The following XKR4 variants were observed in gnomAD, a reference collection of about 807,000 sequenced individuals.
XKR4 encodes the protein XK related 4.
A neutral mutation model predicts 53.9 loss-of-function variants in XKR4; 12 were observed. The observed-to-expected ratio is 0.22, with a 90% CI of 0.14 to 0.36. The LOEUF is 0.36. Ranked by LOEUF, XKR4 falls within the 10% of genes least tolerant of loss-of-function variation. The pLI is 1.00. For missense variants in XKR4, 799 were observed against 859.5 expected (o/e 0.93, Z 0.88); for synonymous variants, 354 against 362.4 (o/e 0.98, Z 0.26).
chr8:55,465,296 C>A (rs1805745579), intron 2 of XKR4, among the ~76,000 whole-genome samples: 1 of 152,116 alleles, frequency 6.6e-6, no homozygotes, highest in African/African-American at 2.4e-5. Context: ...GAGATATAGA[C>A]CAAAGGAACA....
intron 1 of XKR4, among the ~76,000 whole-genome samples, chr8:55,265,650 CT>C (rs1818588611): frequency 6.6e-6 from 1 of 151,610 alleles, no homozygotes; most frequent in Non-Finnish European, 1.5e-5. Context: ...GCCTAGGAGC[CT>C]AGGAGCCTGG....
At chr8:55,276,068 G>A (rs754246938) in intron 1 of XKR4, among the ~76,000 whole-genome samples, 6 of 152,172 alleles carry the variant, frequency 3.9e-5, no homozygotes, top group African/African-American at 7.2e-5. Flanking sequence ...TTAAGGCTCC[G>A]GGTAAATTAG....
chr8:55,499,784 C>T (rs1472341045), intron 2 of XKR4, among the ~76,000 whole-genome samples: 1 of 152,120 alleles, frequency 6.6e-6, no homozygotes, highest in Non-Finnish European at 1.5e-5. Context: ...CCAGCTGTTG[C>T]GCTGTCTTTA....
chr8:55,343,615 G>C (rs879907581), intron 1 of XKR4, among the ~76,000 whole-genome samples: 3 of 152,186 alleles, frequency 2.0e-5, no homozygotes, highest in Non-Finnish European at 4.4e-5. Flanking sequence ...TTGCTGCAGA[G>C]GGCACAGTTA....
intron 1 of XKR4, among the ~76,000 whole-genome samples, chr8:55,199,344 T>G (rs951593240): frequency 6.6e-6 from 1 of 152,246 alleles, no homozygotes; most frequent in East Asian, 1.9e-4. Context: ...CAGGAGATAA[T>G]GAATCAAGTG....
intron 2 of XKR4, among the ~76,000 whole-genome samples, chr8:55,365,761 C>A (rs1016002517): frequency 2.7e-5 from 4 of 148,972 alleles, no homozygotes; most frequent in Non-Finnish European, 3.0e-5. Context: ...GGCACAGGTG[C>A]TGGGAGGGTG....
chr8:55,487,481 C>CATCTTTTTTTTTT (rs1806210888), intron 2 of XKR4, among the ~76,000 whole-genome samples: 1 of 123,862 alleles, frequency 8.1e-6, no homozygotes, highest in Non-Finnish European at 1.8e-5. Flanking sequence ...TTTTTTTTTT[C>CATCTTTTTTTTTT]TTGAGACAGA....
Position 55,229,756 on chromosome 8 carries a change from C to T in XKR4, c.806+126462C>T, listed in dbSNP as rs78675598. Among the ~76,000 whole-genome samples, 700 of 152,310 alleles carry T rather than the reference C, an allele frequency of 4.6e-3. 6 individuals are homozygous for T. The highest frequency in any genetic ancestry group is 0.016 in the African/African-American group (653 of 41,570). ...TTATGTGGGTTTTCCCATAGGATCA[C>T]CTTGGCCCCCCTACAGAAGCTTAGT... On this transcript the variant is annotated intron_variant, in intron 1 of 2. Transcript: ENST00000327381.
intron 2 of XKR4, among the ~76,000 whole-genome samples, chr8:55,390,898 C>T (rs1375314385): frequency 6.6e-6 from 1 of 152,196 alleles, no homozygotes; most frequent in Non-Finnish European, 1.5e-5. Flanking sequence ...CCTTCTTATC[C>T]TGCTACCAAA....
chr8:55,247,730 C>A (rs1292298075), intron 1 of XKR4, among the ~76,000 whole-genome samples: 1 of 152,136 alleles, frequency 6.6e-6, no homozygotes, highest in African/African-American at 2.4e-5. Flanking sequence ...TTCACAATTA[C>A]AATCACAGTG....
chr8:55,403,755 T>C (rs1335440606), intron 2 of XKR4, among the ~76,000 whole-genome samples: 2 of 152,248 alleles, frequency 1.3e-5, no homozygotes, highest in African/African-American at 2.4e-5. Flanking sequence ...CTTTCTTCTC[T>C]GTTCTTCCTC....
At chr8:55,186,451 C>T (rs563378273) in intron 1 of XKR4, among the ~76,000 whole-genome samples, 8 of 151,884 alleles carry the variant, frequency 5.3e-5, no homozygotes, top group Non-Finnish European at 7.4e-5. Context: ...GTCAGGAGAT[C>T]GAGACCATCC....
chr8:55,195,109 C>T (rs1373862316), intron 1 of XKR4, among the ~76,000 whole-genome samples: 2 of 152,122 alleles, frequency 1.3e-5, no homozygotes, highest in African/African-American at 2.4e-5. Flanking sequence ...GAAATAGAGT[C>T]GATACTGTCC....
chr8:55,448,091 C>T lies in XKR4; in HGVS notation c.1007-75190C>T, dbSNP rs541262698. On this transcript the variant is annotated intron_variant, in intron 2 of 2. Coordinates refer to ENST00000327381, the MANE Select transcript of XKR4 (RefSeq NM_052898.2). ...AAAAGAACAGCAAAAGTGGGAACAG[C>T]CAAGCTTGTACAATTTTGCAGTTTC... 4.6e-3 allele frequency among the ~76,000 whole-genome samples: 704 copies of T among 152,294 alleles called. 9 individuals carry two copies. The highest frequency in any genetic ancestry group is 0.016 in the African/African-American group (654 of 41,546).
intron 1 of XKR4, among the ~76,000 whole-genome samples, chr8:55,322,672 A>G (rs1803232299): frequency 6.6e-6 from 1 of 152,242 alleles, no homozygotes; most frequent in Non-Finnish European, 1.5e-5. Flanking sequence ...TTTACCAGTC[A>G]GATGAGTATA....
intron 1 of XKR4, among the ~76,000 whole-genome samples, chr8:55,132,156 C>T (rs1816564969): frequency 6.6e-6 from 1 of 152,212 alleles, no homozygotes; most frequent in African/African-American, 2.4e-5. Flanking sequence ...TATCATGCAC[C>T]AGGCAGTGTG....
chr8:55,493,352 C>T (rs1367708745), intron 2 of XKR4, among the ~76,000 whole-genome samples: 1 of 152,198 alleles, frequency 6.6e-6, no homozygotes, highest in African/African-American at 2.4e-5. Flanking sequence ...CCTCTGCAGG[C>T]ATCTATGCTC....
At chr8:55,255,466 A>G (rs1401066215) in intron 1 of XKR4, among the ~76,000 whole-genome samples, 4 of 152,198 alleles carry the variant, frequency 2.6e-5, no homozygotes, top group East Asian at 1.9e-4. Flanking sequence ...CCAAATTAAT[A>G]TAATAAATAA....
chr8:55,417,078 G>C (rs144035011), intron 2 of XKR4, among the ~76,000 whole-genome samples: 219 of 152,302 alleles, frequency 1.4e-3, no homozygotes, highest in African/African-American at 4.9e-3. Context: ...AGGCATCAGA[G>C]GTGTTAAAGG....
Sources: gnomAD v4.1 joint callset for allele counts (sites outside exome capture counted in the v4.1 genomes callset) on GRCh38, gnomAD v4.1.1 for gene constraint, MANE v1.5 for transcripts, NCBI Gene and HGNC (gene_info 2026-07-23, HGNC 2026-07-21) for gene names.